SCFD2: variants seen among roughly 807,000 people sequenced by gnomAD.
SCFD2 encodes sec1 family domain containing 2, also known as sec1 family domain-containing protein 2.
SCFD2 carries 54 observed loss-of-function variants against 58.9 expected under a neutral mutation model. The observed-to-expected ratio is 0.92, with a 90% confidence interval of 0.74 to 1.15. The LOEUF is 1.15. Ranked by LOEUF, SCFD2 falls within the 50% of genes most tolerant of loss-of-function variation. The probability of loss-of-function intolerance (pLI) is 0.00; values close to 1 mark genes in which losing one functional copy is unlikely to be tolerated. For missense variants in SCFD2, 805 were observed against 836.6 expected, an observed-to-expected ratio of 0.96 and a Z score of 0.47; for synonymous variants, 321 against 335.9, an observed-to-expected ratio of 0.96 and a Z score of 0.49.
chr4:53,210,139 A>T (rs1728563599), intron 4 of SCFD2, among the ~76,000 whole-genome samples: 1 of 152,058 alleles, frequency 6.6e-6, no homozygotes, highest in African/African-American at 2.4e-5. Flanking sequence ...ACCCTCCCAT[A>T]ATAGATATCT....
At chr4:53,060,485 G>A (rs182926702) in intron 5 of SCFD2, among the ~76,000 whole-genome samples, 3 of 152,264 alleles carry the variant, frequency 2.0e-5, no homozygotes, top group Admixed American at 6.5e-5. Flanking sequence ...GGTTCTCAAA[G>A]TGTGGTCTGG....
At chr4:53,287,408 C>T (rs1198920240) in intron 3 of SCFD2, among the ~76,000 whole-genome samples, 1 of 152,170 alleles carries the variant, frequency 6.6e-6, no homozygotes, top group Non-Finnish European at 1.5e-5. Flanking sequence ...ACTGGGAACC[C>T]TAACCTACAG....
chr4:53,163,237 A>C (rs1253928109), intron 4 of SCFD2, among the ~76,000 whole-genome samples: 1 of 152,218 alleles, frequency 6.6e-6, no homozygotes. Flanking sequence ...ACTCCAAAAA[A>C]GGCTTGAGTG....
intron 5 of SCFD2, among the ~76,000 whole-genome samples, chr4:52,954,751 T>C (rs1370319528): frequency 6.6e-6 from 1 of 152,174 alleles, no homozygotes; most frequent in Admixed American, 6.5e-5. Flanking sequence ...TCTAATCATG[T>C]CCTTTAGCAC....
intron 4 of SCFD2, among the ~76,000 whole-genome samples, chr4:53,247,449 T>C (rs1280204487): frequency 5.3e-5 from 8 of 152,226 alleles, no homozygotes; most frequent in Non-Finnish European, 1.0e-4. Context: ...TGTATGTTCA[T>C]TGCACTATTA....
intron 5 of SCFD2, among the ~76,000 whole-genome samples, chr4:52,995,483 G>T (rs1199614473): frequency 6.6e-6 from 1 of 152,210 alleles, no homozygotes; most frequent in East Asian, 1.9e-4. Context: ...GTGTTTACTT[G>T]TGTCTTCTCT....
chr4:53,257,922 G>T (rs1730697947), intron 4 of SCFD2, among the ~76,000 whole-genome samples: 1 of 151,834 alleles, frequency 6.6e-6, no homozygotes, highest in Admixed American at 6.6e-5. Flanking sequence ...TACAAAACAG[G>T]ATCAATAAAG....
chr4:53,253,960 G>A (rs1202175790), intron 4 of SCFD2, among the ~76,000 whole-genome samples: 1 of 150,994 alleles, frequency 6.6e-6, no homozygotes, highest in African/African-American at 2.4e-5. Context: ...GATGGAGCTG[G>A]AGGTCATTAT....
At chr4:52,960,970 A>C (rs1306542882) in intron 5 of SCFD2, among the ~76,000 whole-genome samples, 2 of 152,188 alleles carry the variant, frequency 1.3e-5, no homozygotes, top group Non-Finnish European at 2.9e-5. Context: ...GTCTGGCTAC[A>C]AAATGGCCTC....
chr4:52,902,505 C>A (rs1312915599), intron 7 of SCFD2, among the ~76,000 whole-genome samples: 1 of 152,172 alleles, frequency 6.6e-6, no homozygotes, highest in African/African-American at 2.4e-5. Context: ...CACTTATTCA[C>A]CCAACAATTA....
intron 2 of SCFD2, among the ~76,000 whole-genome samples, chr4:53,340,724 G>A (rs181119410): frequency 3.9e-5 from 6 of 152,258 alleles, no homozygotes; most frequent in East Asian, 3.9e-4. Context: ...AGGGGGCGAC[G>A]GACACCTCAC....
rs1201809946 is a variant in SCFD2 at position 53,313,760 on chromosome 4, G to C, written c.1011C>G (p.Asp337Glu). ...CTTCCCATAGGGCTTTGGCTGTGGT[G>C]TCACTGCAGGAAAATCACAAAAAGA... ...VAPGCLSQSS[D>E]TTAKALWEAL... The change falls in exon 3 of 9, where the codon GAC becomes GAG. Residue 337 changes from aspartate (D) to glutamate (E), a missense_variant. Around this residue, in one of 3 missense-constraint regions of SCFD2, gnomAD observed 633 missense variants for 646.8 expected, o/e 0.98. Transcript: ENST00000401642. 1 of 1,613,854 alleles carries C rather than the reference G, an allele frequency of 6.2e-7. No individual in the cohort carries two copies. Among genetic ancestry groups the C allele is most frequent in the Admixed American group, 1.7e-5 (1 of 59,992 alleles).
At chr4:52,895,123 T>A (rs1195357914) in intron 7 of SCFD2, among the ~76,000 whole-genome samples, 1 of 152,090 alleles carries the variant, frequency 6.6e-6, no homozygotes, top group Non-Finnish European at 1.5e-5. Flanking sequence ...ACAGATTGTA[T>A]TTTCCAAAAG....
intron 3 of SCFD2, among the ~76,000 whole-genome samples, chr4:53,312,058 G>C (rs1204203869): frequency 6.6e-6 from 1 of 152,120 alleles, no homozygotes; most frequent in East Asian, 1.9e-4. Context: ...GGGGATGGGA[G>C]ATGGAGGGAC....
intron 4 of SCFD2, among the ~76,000 whole-genome samples, chr4:53,216,941 T>C (rs1728862333): frequency 1.3e-5 from 2 of 152,246 alleles, no homozygotes; most frequent in South Asian, 4.1e-4. Flanking sequence ...TCAGTTTCCA[T>C]GTAGCTGAGC....
chr4:53,221,885 C>G (rs748304665), intron 4 of SCFD2, among the ~76,000 whole-genome samples: 4 of 152,152 alleles, frequency 2.6e-5, no homozygotes, highest in Non-Finnish European at 5.9e-5. Flanking sequence ...TGGGAGGCTA[C>G]AAGAAGAGGC....
At chr4:53,075,403 G>C (rs749345458) in intron 5 of SCFD2, among the ~76,000 whole-genome samples, 1 of 152,124 alleles carries the variant, frequency 6.6e-6, no homozygotes, top group Non-Finnish European at 1.5e-5. Flanking sequence ...GTTCACCGGA[G>C]GAGCACTTTC....
chr4:53,209,479 G>C (rs1228982620), intron 4 of SCFD2, among the ~76,000 whole-genome samples: 1 of 152,042 alleles, frequency 6.6e-6, no homozygotes, highest in Non-Finnish European at 1.5e-5. Flanking sequence ...ATGTCCATTT[G>C]GGTATTCCTT....
intron 5 of SCFD2, among the ~76,000 whole-genome samples, chr4:52,944,690 C>G (rs76239409): frequency 0.025 from 3,822 of 152,284 alleles, 62 homozygotes; most frequent in Non-Finnish European, 0.038. Context: ...TCTACTTCAA[C>G]TTTTGAATTT....
Sources: allele counts gnomAD v4.1 joint callset (sites outside exome capture counted in the v4.1 genomes callset), GRCh38; gene constraint gnomAD v4.1.1; regional missense constraint gnomAD v4.1.1; transcripts MANE v1.5; gene names NCBI Gene and HGNC (gene_info 2026-07-23, HGNC 2026-07-21).